The following DPP6 variants were observed in gnomAD, a reference collection of about 807,000 sequenced individuals.
The protein encoded by DPP6 is A-type potassium channel modulatory protein DPP6.
In DPP6, 69 loss-of-function variants were observed where a neutral mutation model predicts 122.6. That is an observed-to-expected ratio of 0.56 (90% confidence interval 0.46 to 0.69). The LOEUF is 0.69. Among genes scored for constraint, DPP6 ranks in the 30% least tolerant of loss-of-function variants. The pLI is 0.00. For synonymous variants in DPP6, 418 were observed against 433.1 expected (o/e 0.97, Z 0.43); for missense variants, 928 against 1,116.9 (o/e 0.83, Z 2.41).
intron 1 of DPP6, among the ~76,000 whole-genome samples, chr7:154,135,402 C>G (rs3115124): frequency 6.7e-6 from 1 of 149,470 alleles, no homozygotes; most frequent in Non-Finnish European, 1.5e-5. Flanking sequence ...GAGCATACAC[C>G]TCCTATCTAT....
chr7:154,157,857 C>T (rs1333663157), intron 1 of DPP6, among the ~76,000 whole-genome samples: 16 of 151,738 alleles, frequency 1.1e-4, no homozygotes, highest in Middle Eastern at 3.2e-3. Context: ...GGCTTGAACC[C>T]GGGAGGCAGA....
chr7:153,867,862 G>A, the DPP6 span, among the ~76,000 whole-genome samples: 39 of 152,234 alleles, frequency 2.6e-4, no homozygotes, highest in Non-Finnish European at 4.7e-4. Context: ...TAGCATGAAG[G>A]GTTGTTGAAT....
intron 1 of DPP6, among the ~76,000 whole-genome samples, chr7:153,952,696 A>G (rs1303688210): frequency 6.6e-6 from 1 of 152,352 alleles, no homozygotes; most frequent in South Asian, 2.1e-4. Flanking sequence ...TTCCTTTACT[A>G]CATTCCATTC....
At chr7:154,200,283 A>G (rs1046856778) in intron 1 of DPP6, among the ~76,000 whole-genome samples, 5 of 152,158 alleles carry the variant, frequency 3.3e-5, no homozygotes, top group African/African-American at 1.2e-4. Flanking sequence ...TAATTTGTAA[A>G]GAGCAAATCA....
chr7:154,530,265 G>T (rs1827739646), intron 3 of DPP6, among the ~76,000 whole-genome samples: 1 of 152,124 alleles, frequency 6.6e-6, no homozygotes. Context: ...TTCTAGGAGA[G>T]AAAATGGATA....
intron 8 of DPP6, among the ~76,000 whole-genome samples, chr7:154,751,076 A>G (rs1968945): frequency 0.11 from 16,969 of 152,240 alleles, 1,303 homozygotes; most frequent in Non-Finnish European, 0.17. Flanking sequence ...GTGAGGAACC[A>G]TAGCACCAAA....
intron 5 of DPP6, among the ~76,000 whole-genome samples, chr7:154,584,784 C>A (rs114673244): frequency 6.6e-6 from 1 of 152,304 alleles, no homozygotes; most frequent in South Asian, 2.1e-4. Flanking sequence ...CCAGTCGCTA[C>A]GATTACTCAG....
chr7:154,462,825 G>A lies in DPP6; in HGVS notation c.359-12114G>A, dbSNP rs573902722. 1.7e-4 allele frequency among the ~76,000 whole-genome samples: 18 copies of A among 105,096 alleles called. No individual in the cohort carries two copies. The Admixed American group carries it at 1.9e-3, about 11-fold the overall frequency. 68.9% of individuals were successfully genotyped at this position (105,096 alleles called of 152,430 possible). ...CTCCCCCCACCCCACAACAGTCCCCGGTGTGTGATGTTCCCCTTCCTGTGT... is the reference window on the plus strand; with the variant it reads ...CTCCCCCCACCCCACAACAGTCCCCAGTGTGTGATGTTCCCCTTCCTGTGT... On this transcript the variant is annotated intron_variant, in intron 2 of 25. Transcript: ENST00000377770.
At position 154,170,943 on chromosome 7, in the gene DPP6, G is replaced by A. The variant is rs145277376; in HGVS notation, c.243+117880G>A. 2.2e-3 allele frequency among the ~76,000 whole-genome samples: 329 copies of A among 152,286 alleles called. 2 individuals carry two copies. Among genetic ancestry groups the A allele is most frequent in the African/African-American group, 5.6e-3 (233 of 41,562 alleles). On this transcript the variant is annotated intron_variant, in intron 1 of 25. Transcript: ENST00000377770. ...CTCCCTCGGTGGGTGAGTTAGGCTG[G>A]AATGAAGGGAGGAGCCACCTTTGGG... is the stretch of plus-strand genomic sequence containing the variant.
At chr7:153,861,756 C>T in the DPP6 span, among the ~76,000 whole-genome samples, 1 of 152,148 alleles carries the variant, frequency 6.6e-6, no homozygotes, top group South Asian at 2.1e-4. Context: ...ATTAATGAGA[C>T]ACTGTGGCAA....
intron 1 of DPP6, among the ~76,000 whole-genome samples, chr7:154,393,308 AG>A (rs1440903570): frequency 6.6e-5 from 10 of 152,240 alleles, no homozygotes; most frequent in African/African-American, 2.4e-4. Flanking sequence ...AAAGCATAGC[AG>A]GAGAAACTAT....
intron 1 of DPP6, among the ~76,000 whole-genome samples, chr7:154,392,500 G>A (rs543136621): frequency 2.9e-4 from 44 of 152,194 alleles, no homozygotes; most frequent in Non-Finnish European, 4.9e-4. Context: ...CTCTGAGACC[G>A]GTGTTCAGTG....
chr7:154,366,673 G>A (rs1470052160), intron 1 of DPP6, among the ~76,000 whole-genome samples: 1 of 152,206 alleles, frequency 6.6e-6, no homozygotes, highest in East Asian at 1.9e-4. Flanking sequence ...GACATCAGCA[G>A]AATGTTTTAA....
At chr7:153,794,672 C>T in the DPP6 span, among the ~76,000 whole-genome samples, 1 of 151,976 alleles carries the variant, frequency 6.6e-6, no homozygotes, top group South Asian at 2.1e-4. Flanking sequence ...TTTGAAAGGG[C>T]CAGGGATGGA....
intron 1 of DPP6, among the ~76,000 whole-genome samples, chr7:154,199,499 G>T (rs1258041321): frequency 6.6e-6 from 1 of 152,010 alleles, no homozygotes; most frequent in African/African-American, 2.4e-5. Context: ...TACACATTTT[G>T]TTCATTTATT....
At position 154,723,934 on chromosome 7, in the gene DPP6, G is replaced by C. The variant is rs576860234; in HGVS notation, c.763-3833G>C. Among the ~76,000 whole-genome samples the C allele has an allele frequency of 3.0e-4, 46 of 152,302 alleles. No individual in the cohort carries two copies. The South Asian group carries it at 9.3e-3, about 31-fold the overall frequency. On this transcript the variant is annotated intron_variant, in intron 7 of 25. Transcript: ENST00000377770. ...CATAAGGATGTGGGCAGAGAGTTTA[G>C]AGACAGAAAACCCAGGGCAGAATTG...
intron 17 of DPP6, among the ~76,000 whole-genome samples, chr7:154,864,543 C>T (rs1563297766): frequency 6.6e-6 from 1 of 152,198 alleles, no homozygotes; most frequent in Non-Finnish European, 1.5e-5. Context: ...AAGAAAAGTC[C>T]TTCAGGGAAT....
At position 154,603,257 on chromosome 7, in the gene DPP6, C is replaced by T. The variant is rs966885336; in HGVS notation, c.628-34564C>T. 3.3e-5 allele frequency among the ~76,000 whole-genome samples: 4 copies of T among 120,106 alleles called. 1 individual carries two copies. Among genetic ancestry groups the T allele is most frequent in the African/African-American group, 1.1e-4 (4 of 37,708 alleles). 78.8% of individuals were successfully genotyped at this position (120,106 alleles called of 152,430 possible). The stretch of plus-strand genomic sequence containing the variant: ...TTGTTTAGAGTTTGTGAACTTTGCA[C>T]ATCTGTTTTTGGTAGTCTTCCATTC... On this transcript the variant is annotated intron_variant, in intron 5 of 25. Transcript: ENST00000377770.
chr7:153,760,865 C>T, the DPP6 span, among the ~76,000 whole-genome samples: 1,241 of 152,200 alleles, frequency 8.2e-3, 26 homozygotes, highest in African/African-American at 0.028. Flanking sequence ...CTGTTCTGTA[C>T]TCAGCTAATT....
Sources: gnomAD v4.1 joint callset for allele counts (sites outside exome capture counted in the v4.1 genomes callset) on GRCh38, gnomAD v4.1.1 for gene constraint, MANE v1.5 for transcripts, NCBI Gene and HGNC (gene_info 2026-07-23, HGNC 2026-07-21) for gene names.